SP140: variants seen among roughly 807,000 people sequenced by gnomAD.
SP140 encodes SP140 nuclear body protein.
Under a neutral mutation model 125.0 loss-of-function variants are expected in SP140, and 81 were observed. The ratio of observed to expected loss-of-function variants is 0.65; its 90% CI spans 0.54 to 0.78. The LOEUF is 0.78. SP140 is among the 30% of genes least tolerant of loss of function. SP140 has a pLI of 0.00. For synonymous variants in SP140, 312 were observed against 354.0 expected, an observed-to-expected ratio of 0.88 and a Z score of 1.33; for missense variants, 858 against 1,037.0, an observed-to-expected ratio of 0.83 and a Z score of 2.37.
Position 230,253,387 on chromosome 2 carries a change from G to A in SP140, c.1129G>A (p.Glu377Lys), listed in dbSNP as rs1431533007. 1 of 1,609,912 alleles carries A rather than the reference G, an allele frequency of 6.2e-7. No homozygotes were observed. The highest frequency in any genetic ancestry group is 1.7e-5 in the Admixed American group (1 of 60,004). The change falls in exon 11 of 27, where the codon GAG (glutamate) becomes AAG (lysine). Residue 377 changes from glutamate (E) to lysine (K), a missense_variant. By Grantham distance (56) the Glu-to-Lys change is moderately conservative. Coordinates refer to ENST00000392045, the MANE Select transcript of SP140 (RefSeq NM_007237.5). ...QVTNEGEPEK[E>K]LSLLPGEGEE... ...CACTAATGAAGGAGAACCAGAGAAG[G>A]AGCTCAGTCTACTACCAGGTGAAGG...
In SP140 at chr2:230,237,459, G is replaced by A; in HGVS notation, c.237+199G>A. ...AAATGTTGGGGGAGGGCCACAGTGAGGGAGGTGGGGCAGGAGAGAGAATGG... is the reference window on the plus strand; with the variant it reads ...AAATGTTGGGGGAGGGCCACAGTGAAGGAGGTGGGGCAGGAGAGAGAATGG... On this transcript the variant is annotated intron_variant, in intron 2 of 26. Coordinates refer to ENST00000392045, the MANE Select transcript of SP140 (RefSeq NM_007237.5). This position sits in a 1 kb window ranked among gnomAD's most constrained non-coding sequence, Gnocchi z 5.4. 1 of 536,580 alleles carries A rather than the reference G, an allele frequency of 1.9e-6. No homozygotes were observed. The highest frequency in any genetic ancestry group is 3.2e-5 in the East Asian group (1 of 31,144). The allele number at this position is 536,580 out of a possible 1,614,324, so 33.2% of individuals were successfully genotyped here. A position where few individuals can be genotyped will look rare whatever the true frequency, so the allele number is the denominator to read the frequency against.
the SP140 span, among the ~76,000 whole-genome samples, chr2:230,190,752 T>G: frequency 1.3e-5 from 2 of 152,164 alleles, no homozygotes; most frequent in Non-Finnish European, 2.9e-5. Context: ...GAGGAAGGGG[T>G]CCAGTTTCAG....
chr2:230,202,453 A>T (rs2043276738), upstream of SP140: 6 of 755,318 alleles, frequency 7.9e-6, no homozygotes, highest in South Asian at 1.6e-5. Flanking sequence ...GTTATACCCC[A>T]TCCTCATTCT....
upstream of SP140, among the ~76,000 whole-genome samples, chr2:230,223,727 T>C (rs1415677421): frequency 6.6e-6 from 1 of 152,246 alleles, no homozygotes. Flanking sequence ...TAGGGGTAAG[T>C]TGGCAAATTA....
chr2:230,186,440 C>T, the SP140 span, among the ~76,000 whole-genome samples: 1 of 152,324 alleles, frequency 6.6e-6, no homozygotes, highest in South Asian at 2.1e-4. Flanking sequence ...ACACCTTACA[C>T]TCCACTGCTG....
chr2:230,214,337 C>T lies in SP140; in HGVS notation c.-91+263C>T, dbSNP rs145547312. ...CTTCTCTGGCTTTACAATCTGCCTT[C>T]CAGCTGTCCTTGTCCGGACTAGTGG... On this transcript the variant is annotated intron_variant, in intron 3 of 4. Coordinates refer to the SP140 transcript ENST00000456542. 6.0e-3 allele frequency among the ~76,000 whole-genome samples: 906 copies of T among 152,256 alleles called. 8 individuals carry two copies. Among genetic ancestry groups the T allele is most frequent in the African/African-American group, 0.02 (839 of 41,532 alleles).
Position 230,311,684 on chromosome 2 carries a change from G to A in SP140, c.2505+89G>A, listed in dbSNP as rs2059343371. ...AGAAAAATTTAGTTTCCCTCATCCT[G>A]TAATAAGCTTGCACGAGCAAGGGTT... On this transcript the variant is annotated intron_variant, in intron 26 of 26. Coordinates refer to ENST00000392045, the MANE Select transcript of SP140 (RefSeq NM_007237.5). 7 of 1,542,318 alleles carry A rather than the reference G, an allele frequency of 4.5e-6. No individual in the cohort carries two copies. In the South Asian group the frequency reaches 7.4e-5, roughly 16 times the overall value.
In SP140 at chr2:230,211,908, T is replaced by C. The variant is rs942709590; in HGVS notation, c.-322-1746T>C. 1.3e-5 allele frequency among the ~76,000 whole-genome samples: 2 copies of C among 152,210 alleles called. No individual in the cohort carries two copies. The highest frequency in any genetic ancestry group is 4.8e-5 in the African/African-American group (2 of 41,454). ...AATATCATACCATTCTTACGTTTAA[T>C]GTAATCAAACTCCATTATGATGATG... On this transcript the variant is annotated intron_variant, in intron 1 of 4. Transcript: ENST00000456542. The surrounding 1 kb of genome is among the most constrained non-coding windows in gnomAD (Gnocchi z 4.2).
chr2:230,302,286 C>G (rs192720783), intron 22 of SP140, among the ~76,000 whole-genome samples: 37 of 152,090 alleles, frequency 2.4e-4, no homozygotes, highest in African/African-American at 8.7e-4. Context: ...CCCAGCTACT[C>G]AGGAAGCTGA....
At chr2:230,238,833 G>A (rs2048329786) in intron 3 of SP140, 2 of 1,555,188 alleles carry the variant, frequency 1.3e-6, no homozygotes, top group Middle Eastern at 1.7e-4. Flanking sequence ...CACGAAGAGA[G>A]CCTAGCACAT....
intron 9 of SP140, among the ~76,000 whole-genome samples, chr2:230,249,909 A>G (rs2050096241): frequency 6.6e-6 from 1 of 152,192 alleles, no homozygotes; most frequent in Non-Finnish European, 1.5e-5. Context: ...AGAGAGTAAG[A>G]GTACTCTTTC....
intron 15 of SP140, among the ~76,000 whole-genome samples, chr2:230,272,769 G>T (rs2054134004): frequency 6.6e-6 from 1 of 152,156 alleles, no homozygotes; most frequent in Non-Finnish European, 1.5e-5. Flanking sequence ...GAACAGAAAA[G>T]AGAACCCAGA....
chr2:230,215,131 A>C (rs1574778458), intron 3 of SP140: 1 of 1,608,142 alleles, frequency 6.2e-7, no homozygotes, highest in African/African-American at 1.3e-5. Context: ...ATAAAAATGG[A>C]GTGAAGGTTT....
At chr2:230,239,754 T>C (rs1465556230) in intron 3 of SP140, among the ~76,000 whole-genome samples, 1 of 152,234 alleles carries the variant, frequency 6.6e-6, no homozygotes, top group Admixed American at 6.5e-5. Context: ...TGGCCTGTTA[T>C]TATCTTTAAC....
chr2:230,248,750 C>A (rs1401431902), intron 8 of SP140, 135 bp from the exon 9 acceptor site: 52 of 660,994 alleles, frequency 7.9e-5, no homozygotes, highest in Non-Finnish European at 9.3e-5. Context: ...GAAAGAGGAG[C>A]TGCAACAAGG....
chr2:230,231,423 T>C (rs565445846), intron 1 of SP140, among the ~76,000 whole-genome samples: 3 of 152,308 alleles, frequency 2.0e-5, no homozygotes, highest in African/African-American at 7.2e-5. Flanking sequence ...ATGGGCCATA[T>C]CTAATGTTTG....
At position 230,211,635 on chromosome 2, in the gene SP140, C is replaced by T; in HGVS notation, c.-322-2019C>T. The T allele has an allele frequency of 1.1e-6, 1 of 886,958 alleles. No individual in the cohort carries two copies. The highest frequency in any genetic ancestry group is 1.9e-6 in the Non-Finnish European group (1 of 522,474). 54.9% of individuals were successfully genotyped at this position (886,958 alleles called of 1,614,324 possible). A position where few individuals can be genotyped will look rare whatever the true frequency, so the allele number is the denominator to read the frequency against. ...GAGGAGAAAAGAGAATGCTCTATTCCAACAAGTAAAAATGACGGGGTAACA... is the reference window on the plus strand; with the variant it reads ...GAGGAGAAAAGAGAATGCTCTATTCTAACAAGTAAAAATGACGGGGTAACA... On this transcript the variant is annotated intron_variant, in intron 1 of 4. Coordinates refer to the SP140 transcript ENST00000456542. This position sits in a 1 kb window ranked among gnomAD's most constrained non-coding sequence, Gnocchi z 4.2.
chr2:230,303,884 A>G (rs980305874), intron 22 of SP140, among the ~76,000 whole-genome samples: 9 of 152,214 alleles, frequency 5.9e-5, no homozygotes, highest in African/African-American at 9.7e-5. Context: ...TCTATTCTAC[A>G]TGATACTAGA....
intron 15 of SP140, 153 bp downstream of exon 15, chr2:230,270,792 C>T: frequency 1.4e-6 from 1 of 739,164 alleles, no homozygotes; most frequent in Non-Finnish European, 2.4e-6. Flanking sequence ...CCTCCTAATC[C>T]CTGGACCTGT....
Sources: allele counts gnomAD v4.1 joint callset (sites outside exome capture counted in the v4.1 genomes callset), GRCh38; gene constraint gnomAD v4.1.1; non-coding constraint Gnocchi (gnomAD v3.1); transcripts MANE v1.5; gene names NCBI Gene and HGNC (gene_info 2026-07-23, HGNC 2026-07-21).